Variants in GP9 observed in about 807,000 individuals in gnomAD.
GP9 encodes platelet glycoprotein IX.
For missense variants in GP9, 228 were observed against 241.8 expected (o/e 0.94, Z 0.38); for synonymous variants, 116 against 116.7 (o/e 0.99, Z 0.04).
chr3:129,062,181 G>T lies in GP9; in HGVS notation c.442G>T (p.Val148Phe), dbSNP rs1269319160. The T allele has an allele frequency of 6.3e-7, 1 of 1,575,816 alleles. No individual in the cohort carries two copies. The highest frequency in any genetic ancestry group is 1.1e-5 in the South Asian group (1 of 87,378). The change falls in exon 3 of 3, where the codon GTC (valine) becomes TTC (phenylalanine). Residue 148 changes from valine (V) to phenylalanine (F), a missense_variant. Coordinates refer to ENST00000307395, the MANE Select transcript of GP9 (RefSeq NM_000174.5). ...GCAGGCGTCCTGGGTGCGCCCGGGG[G>T]TCTTGTGGGACGTGGCGCTGGTCGC... ...QLQASWVRPGVLWDVALVAVA... is the reference protein window; with the variant it reads ...QLQASWVRPGFLWDVALVAVA...
chr3:129,062,230 T>C lies in GP9; in HGVS notation c.491T>C (p.Leu164Pro). ...GCCGTGGCCGCGCTGGGCCTGGCTC[T>C]TCTGGCTGGCCTGCTGTGTGCCACC... ...LVAVAALGLA[L>P]LAGLLCATTE... Residue 164 changes from leucine to proline, a missense_variant, in exon 3 of 3, where the codon CTT becomes CCT. Physicochemically the swap from Leu to Pro is moderately conservative, Grantham distance 98. Coordinates refer to ENST00000307395, the MANE Select transcript of GP9 (RefSeq NM_000174.5). 6.4e-7 allele frequency: 1 copy of C among 1,562,208 alleles called. No homozygotes were observed. The highest frequency in any genetic ancestry group is 8.6e-7 in the Non-Finnish European group (1 of 1,156,136).
intron 1 of GP9, among the ~76,000 whole-genome samples, 195 bp downstream of exon 1, chr3:129,061,045 G>A (rs1946569491): frequency 6.6e-6 from 1 of 152,246 alleles, no homozygotes; most frequent in Non-Finnish European, 1.5e-5. Flanking sequence ...CTCTGCTGGT[G>A]GAGGGGAAAC....
At position 129,062,330 on chromosome 3, in the gene GP9, C is replaced by T; in HGVS notation, c.*57C>T. The T allele has an allele frequency of 7.9e-7, 1 of 1,270,562 alleles. No homozygotes were observed. Among genetic ancestry groups the T allele is most frequent in the South Asian group, 1.4e-5 (1 of 73,804 alleles). 78.7% of individuals were successfully genotyped at this position (1,270,562 alleles called of 1,614,324 possible). ...AGGGGGCCAGTCCCTGAGGCAGGTC[C>T]CCAGACTCCACCAAGCCTGGTCAGC... On this transcript the variant is annotated 3_prime_UTR_variant, in exon 3 of 3. Coordinates refer to ENST00000307395, the MANE Select transcript of GP9 (RefSeq NM_000174.5).
At chr3:129,055,062 T>C in the GP9 span, among the ~76,000 whole-genome samples, 6 of 152,208 alleles carry the variant, frequency 3.9e-5, no homozygotes, top group Non-Finnish European at 7.3e-5. Context: ...ATGTCAGTCT[T>C]ACTATCTCTA....
chr3:129,059,341 C>A (rs995850824), upstream of GP9, among the ~76,000 whole-genome samples: 1 of 152,220 alleles, frequency 6.6e-6, no homozygotes, highest in Admixed American at 6.5e-5. Flanking sequence ...CCTGGCCTGG[C>A]AGCTCCAGCA....
chr3:129,059,032 C>T (rs1946547636), upstream of GP9, among the ~76,000 whole-genome samples: 1 of 152,172 alleles, frequency 6.6e-6, no homozygotes, highest in Non-Finnish European at 1.5e-5. Context: ...CCTGCATTAT[C>T]CTGTGCCTCT....
chr3:129,057,895 G>A (rs925868486), upstream of GP9, among the ~76,000 whole-genome samples: 1 of 148,692 alleles, frequency 6.7e-6, no homozygotes, highest in Admixed American at 6.8e-5. Flanking sequence ...GTGCAATGGC[G>A]CGATCTCAGC....
chr3:129,058,483 G>A (rs762841092), upstream of GP9, among the ~76,000 whole-genome samples: 9 of 152,210 alleles, frequency 5.9e-5, no homozygotes, highest in Non-Finnish European at 1.2e-4. Context: ...GTGTAGTGAA[G>A]AAGCTGGCAG....
upstream of GP9, among the ~76,000 whole-genome samples, chr3:129,057,920 G>C (rs1001618023): frequency 6.9e-6 from 1 of 144,838 alleles, no homozygotes; most frequent in Admixed American, 7.3e-5. Context: ...CACAGCCTCC[G>C]CTTCCTGGGT....
In GP9 at chr3:129,061,548, G is replaced by C; in HGVS notation, c.-84G>C. ...TCCAGAGACAGTTAGCCAGGCCTGG[G>C]CTGGGCACACTCCACCTTCCCTAGT... On this transcript the variant is annotated 5_prime_UTR_variant, in exon 2 of 3. Coordinates refer to ENST00000307395, the MANE Select transcript of GP9 (RefSeq NM_000174.5). 3.1e-6 allele frequency: 2 copies of C among 644,228 alleles called. No homozygotes were observed. Among genetic ancestry groups the C allele is most frequent in the South Asian group, 1.8e-5 (1 of 56,512 alleles). 39.9% of individuals were successfully genotyped at this position (644,228 alleles called of 1,614,324 possible). A position where few individuals can be genotyped will look rare whatever the true frequency, so the allele number is the denominator to read the frequency against.
chr3:129,061,397 C>T (rs767920076), intron 1 of GP9, 97 bp from the exon 2 acceptor site: 2 of 427,532 alleles, frequency 4.7e-6, no homozygotes, highest in Non-Finnish European at 8.8e-6. Context: ...CATTTAGCAG[C>T]CATCTGCTCC....
At position 129,061,964 on chromosome 3, in the gene GP9, C is replaced by T. The variant is rs1337380213; in HGVS notation, c.225C>T (p.Pro75=). Residue 75 remains proline, a synonymous_variant, in exon 3 of 3, where the codon CCC becomes CCT. Transcript: ENST00000307395. ...CCCCGGGAGCCTTTGACCACCTGCC[C>T]CAGCTGCAGACCCTCGATGTGACGC... The part of the protein sequence containing the change: ...SVPPGAFDHL[P]QLQTLDVTQN... The T allele has an allele frequency of 6.2e-7, 1 of 1,613,904 alleles. No homozygotes were observed. The highest frequency in any genetic ancestry group is 8.5e-7 in the Non-Finnish European group (1 of 1,179,888).
upstream of GP9, among the ~76,000 whole-genome samples, chr3:129,058,631 G>C (rs981470539): frequency 6.6e-6 from 1 of 152,204 alleles, no homozygotes; most frequent in African/African-American, 2.4e-5. Flanking sequence ...GAAAGTTACA[G>C]GGTTCTGGAA....
the GP9 span, among the ~76,000 whole-genome samples, chr3:129,055,662 T>A: frequency 6.6e-6 from 1 of 151,200 alleles, no homozygotes; most frequent in African/African-American, 2.4e-5. Flanking sequence ...TTTTTTTTTT[T>A]AAGACAGAGT....
chr3:129,061,639 T>C lies in GP9; in HGVS notation c.-13+20T>C. ...AGGGAGGTGAGTGCACCCCGTCCCA[T>C]GTCAGGCTCCGCTACATCCCCAGTG... is the stretch of plus-strand genomic sequence containing the variant. On this transcript the variant is annotated intron_variant, in intron 2 of 2. Coordinates refer to ENST00000307395, the MANE Select transcript of GP9 (RefSeq NM_000174.5). 3.0e-6 allele frequency: 3 copies of C among 997,618 alleles called. No individual in the cohort carries two copies. Among genetic ancestry groups the C allele is most frequent in the Middle Eastern group, 2.9e-4 (1 of 3,390 alleles). 61.8% of individuals were successfully genotyped at this position (997,618 alleles called of 1,614,324 possible).
Position 129,061,884 on chromosome 3 carries a change from C to G in GP9, c.145C>G (p.Leu49Val). Residue 49 changes from leucine to valine, a missense_variant, in exon 3 of 3, where the codon CTG becomes GTG. Physicochemically the swap from Leu to Val is conservative, Grantham distance 32. Coordinates refer to ENST00000307395, the MANE Select transcript of GP9 (RefSeq NM_000174.5). ...CCACGGACTCACGGCCCTGCCTGCC[C>G]TGCCGGCCCGCACCCGCCACCTTCT... is the stretch of plus-strand genomic sequence containing the variant. ...RGHGLTALPA[L>V]PARTRHLLLA... 6.2e-7 allele frequency: 1 copy of G among 1,613,410 alleles called. No individual in the cohort carries two copies. Among genetic ancestry groups the G allele is most frequent in the African/African-American group, 1.3e-5 (1 of 75,058 alleles).
chr3:129,061,655 A>G, intron 2 of GP9, 36 bp downstream of exon 2: 2 of 1,158,194 alleles, frequency 1.7e-6, no homozygotes, highest in Non-Finnish European at 2.5e-6. Flanking sequence ...GCTCCGCTAC[A>G]TCCCCAGTGC....
chr3:129,062,282 C>T lies in GP9; in HGVS notation c.*9C>T. The T allele has an allele frequency of 6.5e-7, 1 of 1,537,350 alleles. No individual in the cohort carries two copies. Among genetic ancestry groups the T allele is most frequent in the Non-Finnish European group, 8.8e-7 (1 of 1,138,338 alleles). ...CAGAGGCCCTGGATTGAGCCAGGCC[C>T]CCAGAACCCCTGGCTCCAGGCCAGG... is the stretch of plus-strand genomic sequence containing the variant. On this transcript the variant is annotated 3_prime_UTR_variant, in exon 3 of 3. Transcript: ENST00000307395.
chr3:129,062,240 C>G lies in GP9; in HGVS notation c.501C>G (p.Gly167=), dbSNP rs886057964. ...CGCTGGGCCTGGCTCTTCTGGCTGG[C>G]CTGCTGTGTGCCACCACAGAGGCCC... ...VAALGLALLA[G]LLCATTEALD Residue 167 remains glycine (G), a synonymous_variant, in exon 3 of 3, where the codon GGC becomes GGG. Coordinates refer to ENST00000307395, the MANE Select transcript of GP9 (RefSeq NM_000174.5). The G allele has an allele frequency of 3.9e-5, 61 of 1,558,666 alleles. No homozygotes were observed. Among genetic ancestry groups the G allele is most frequent in the Non-Finnish European group, 5.3e-5 (61 of 1,153,966 alleles).
Sources: gnomAD v4.1 joint callset for allele counts (sites outside exome capture counted in the v4.1 genomes callset) on GRCh38, gnomAD v4.1.1 for gene constraint, MANE v1.5 for transcripts, NCBI Gene and HGNC (gene_info 2026-07-23, HGNC 2026-07-21) for gene names.